Variants in WWOX observed in about 807,000 individuals in gnomAD.
WWOX encodes WW domain-containing oxidoreductase.
In WWOX, 69 loss-of-function variants were observed where a neutral mutation model predicts 46.2. That is an observed-to-expected ratio of 1.49 (90% CI 1.23 to 1.82). The LOEUF (loss-of-function observed/expected upper bound fraction) is 1.82, where lower values mean the gene tolerates loss of function less well. WWOX is among the 40% of genes most tolerant of loss of function. WWOX has a pLI of 0.00. For synonymous variants in WWOX, 359 were observed against 202.6 expected (o/e 1.77, Z -6.56); for missense variants, 919 against 542.6 (o/e 1.69, Z -6.89).
At chr16:78,103,484 G>A (rs1254322883) in intron 1 of WWOX, among the ~76,000 whole-genome samples, 4 of 151,178 alleles carry the variant, frequency 2.6e-5, no homozygotes, top group African/African-American at 4.8e-5. Context: ...GTCCGTCCCT[G>A]CTGGCCCTCA....
chr16:78,883,754 A>T (rs1170279891), intron 8 of WWOX, among the ~76,000 whole-genome samples: 1 of 152,058 alleles, frequency 6.6e-6, no homozygotes, highest in African/African-American at 2.4e-5. Flanking sequence ...AAGTAATGCA[A>T]TAAGCGTACC....
intron 5 of WWOX, among the ~76,000 whole-genome samples, chr16:78,314,973 AAAG>A (rs1372357531): frequency 3.9e-5 from 6 of 152,190 alleles, no homozygotes; most frequent in African/African-American, 9.6e-5. Context: ...GTCCTTCGTA[AAAG>A]AAGAACTTCT....
intron 8 of WWOX, among the ~76,000 whole-genome samples, chr16:78,637,556 C>T (rs768703068): frequency 2.0e-5 from 3 of 152,182 alleles, no homozygotes; most frequent in Non-Finnish European, 4.4e-5. Context: ...ATTGGAAATT[C>T]GGTTGCTTTG....
intron 8 of WWOX, among the ~76,000 whole-genome samples, chr16:79,189,462 TG>T (rs1471473481): frequency 7.1e-6 from 1 of 140,308 alleles, no homozygotes; most frequent in Non-Finnish European, 1.6e-5. Flanking sequence ...TGTGTGTGTG[TG>T]TGTGTGTGTG....
intron 8 of WWOX, chr16:79,017,533 A>G (rs1343338421): frequency 6.7e-6 from 1 of 149,040 alleles, no homozygotes. Context: ...CAGAGAGTAT[A>G]TATTTCAGGC....
At chr16:78,547,738 G>A (rs1488290872) in intron 8 of WWOX, among the ~76,000 whole-genome samples, 1 of 152,042 alleles carries the variant, frequency 6.6e-6, no homozygotes, top group Non-Finnish European at 1.5e-5. Context: ...TCGTGGGAGG[G>A]GCAAAGGGTC....
At chr16:79,032,914 C>G (rs1031514392) in intron 8 of WWOX, among the ~76,000 whole-genome samples, 5 of 151,590 alleles carry the variant, frequency 3.3e-5, no homozygotes, top group South Asian at 4.1e-4. Context: ...TCTTCTCCCT[C>G]CTGCCACCCT....
chr16:79,102,736 C>T (rs568931635), intron 8 of WWOX, among the ~76,000 whole-genome samples: 12 of 151,974 alleles, frequency 7.9e-5, no homozygotes, highest in Non-Finnish European at 1.6e-4. Context: ...GGTTCTGAAG[C>T]TAAAGGGTAC....
chr16:78,550,945 A>G (rs545150824), intron 8 of WWOX: 3 of 152,320 alleles, frequency 2.0e-5, no homozygotes, highest in Non-Finnish European at 4.4e-5. Context: ...ACTGTAAGGA[A>G]TGCATGACAC....
At chr16:78,729,569 G>T (rs1027413167) in intron 8 of WWOX, among the ~76,000 whole-genome samples, 1 of 152,018 alleles carries the variant, frequency 6.6e-6, no homozygotes, top group Admixed American at 6.6e-5. Flanking sequence ...GATATGCCTG[G>T]AGCCATCAGG....
Position 78,899,109 on chromosome 16 carries a change from A to G in WWOX, c.1057-312499A>G, listed in dbSNP as rs1210634214. 2.0e-5 allele frequency: 3 copies of G among 152,230 alleles called. No individual in the cohort carries two copies. In the South Asian group the frequency reaches 6.2e-4, roughly 32 times the overall value. 9.4% of individuals were successfully genotyped at this position (152,230 alleles called of 1,614,324 possible). On this transcript the variant is annotated intron_variant, in intron 8 of 8. Coordinates refer to ENST00000566780, the MANE Select transcript of WWOX (RefSeq NM_016373.4). ...TTTCTTGTTTTAATGCACTGGCTAT[A>G]GCCTGTAGGACAGTGTTGAACAGAG...
At chr16:78,953,476 C>T (rs2151304484) in intron 8 of WWOX, among the ~76,000 whole-genome samples, 1 of 150,804 alleles carries the variant, frequency 6.6e-6, no homozygotes, top group Non-Finnish European at 1.5e-5. Context: ...TCTATGTATG[C>T]AGTTTAAATT....
chr16:79,007,098 G>A (rs1012542424), intron 8 of WWOX, among the ~76,000 whole-genome samples: 1 of 152,162 alleles, frequency 6.6e-6, no homozygotes, highest in African/African-American at 2.4e-5. Flanking sequence ...GCTATGCCAA[G>A]CAGAGAGGTC....
intron 8 of WWOX, among the ~76,000 whole-genome samples, chr16:78,476,778 G>A (rs1376213926): frequency 6.6e-6 from 1 of 151,932 alleles, no homozygotes; most frequent in Non-Finnish European, 1.5e-5. Context: ...TATCTCTAAG[G>A]GCTAAGTAGC....
At chr16:79,103,625 T>A (rs572171782) in intron 8 of WWOX, among the ~76,000 whole-genome samples, 42 of 152,342 alleles carry the variant, frequency 2.8e-4, no homozygotes, top group African/African-American at 1.0e-3. Flanking sequence ...AATTAATTTT[T>A]AAGATCTTAA....
At chr16:78,274,265 C>G (rs2079538098) in intron 5 of WWOX, among the ~76,000 whole-genome samples, 1 of 152,156 alleles carries the variant, frequency 6.6e-6, no homozygotes, top group Non-Finnish European at 1.5e-5. Context: ...TTGAAACCCA[C>G]TGGATTTTAA....
At chr16:78,396,144 C>G (rs1003651985) in intron 6 of WWOX, among the ~76,000 whole-genome samples, 2 of 152,160 alleles carry the variant, frequency 1.3e-5, no homozygotes, top group Admixed American at 6.5e-5. Flanking sequence ...AAAGCTTATG[C>G]CTTCTCTCAT....
intron 8 of WWOX, among the ~76,000 whole-genome samples, chr16:78,916,699 C>G (rs1375206157): frequency 6.6e-6 from 1 of 152,096 alleles, no homozygotes; most frequent in Admixed American, 6.5e-5. Context: ...AGACTTGAAA[C>G]AAAATAAAAG....
At chr16:78,372,393 G>T (rs1029350594) in intron 5 of WWOX, among the ~76,000 whole-genome samples, 1 of 152,282 alleles carries the variant, frequency 6.6e-6, no homozygotes, top group East Asian at 1.9e-4. Context: ...ATAGAAGGTG[G>T]AGTAGAGACA....
Sources: allele counts gnomAD v4.1 joint callset (sites outside exome capture counted in the v4.1 genomes callset), GRCh38; gene constraint gnomAD v4.1.1; transcripts MANE v1.5; gene names NCBI Gene and HGNC (gene_info 2026-07-23, HGNC 2026-07-21).